SULF2: variants seen among roughly 807,000 people sequenced by gnomAD.
SULF2 encodes extracellular sulfatase Sulf-2.
Under a neutral mutation model 107.7 loss-of-function variants are expected in SULF2, and 52 were observed. That is an observed-to-expected ratio of 0.48 (90% CI 0.39 to 0.61). The LOEUF is 0.61. Among genes scored for constraint, SULF2 ranks in the 20% least tolerant of loss-of-function variants. The pLI, the probability that SULF2 is intolerant of heterozygous loss-of-function variation, is 0.00. For missense variants in SULF2, 993 were observed against 1,177.3 expected, an observed-to-expected ratio of 0.84 and a Z score of 2.29; for synonymous variants, 460 against 464.3, an observed-to-expected ratio of 0.99 and a Z score of 0.12.
rs541149167 is a variant in SULF2 at position 47,694,628 on chromosome 20, C to T, written c.568-4333G>A. ...TGCAACCGGCCCCCTCTGGCAAGCA[C>T]CCTCTGAGCCTCAGGTGATTCCTGC... is the stretch of plus-strand genomic sequence containing the variant. On this transcript the variant is annotated intron_variant, in intron 4 of 20. Coordinates refer to ENST00000688720, the MANE Select transcript of SULF2 (RefSeq NM_001387048.1). The surrounding 1 kb of genome is among the most constrained non-coding windows in gnomAD (Gnocchi z 4.4). Among the ~76,000 whole-genome samples, 4 of 152,274 alleles carry T rather than the reference C, an allele frequency of 2.6e-5. No individual in the cohort carries two copies. Among genetic ancestry groups the T allele is most frequent in the African/African-American group, 4.8e-5 (2 of 41,538 alleles).
At chr20:47,682,579 G>C (rs892259385) in intron 7 of SULF2, among the ~76,000 whole-genome samples, 1 of 152,184 alleles carries the variant, frequency 6.6e-6, no homozygotes, top group Non-Finnish European at 1.5e-5. Context: ...TTGTGCTGCT[G>C]CCCAGAGTTG....
At chr20:47,693,110 G>A (rs994992770) in intron 4 of SULF2, among the ~76,000 whole-genome samples, 7 of 152,026 alleles carry the variant, frequency 4.6e-5, no homozygotes, top group African/African-American at 7.2e-5. Context: ...TTTATAAGGG[G>A]GCTCTACAGA....
Position 47,687,461 on chromosome 20 carries a change from G to A in SULF2, c.737+2665C>T, listed in dbSNP as rs541455390. ...CTTCCCTTCTGCTGGGGAAATGGCG[G>A]GAAGATGGTGGTGTCCTCACAGCCC... On this transcript the variant is annotated intron_variant, in intron 5 of 20. Transcript: ENST00000688720. Among the ~76,000 whole-genome samples, 7 of 152,314 alleles carry A rather than the reference G, an allele frequency of 4.6e-5. 1 individual carries two copies. The East Asian group carries it at 9.7e-4, about 21-fold the overall frequency.
chr20:47,695,267 A>G (rs2088336951), intron 4 of SULF2, among the ~76,000 whole-genome samples: 1 of 151,994 alleles, frequency 6.6e-6, no homozygotes, highest in Non-Finnish European at 1.5e-5. Flanking sequence ...CATGAAAATT[A>G]CTCTTAAAAG....
intron 10 of SULF2, 80 bp from the exon 11 acceptor site, chr20:47,672,473 C>T (rs2087511190): frequency 1.4e-6 from 2 of 1,470,180 alleles, no homozygotes; most frequent in South Asian, 2.7e-5. Flanking sequence ...CCCATCCACC[C>T]TGGAGACATC....
At chr20:47,749,955 T>G (rs2090125627) in intron 2 of SULF2, among the ~76,000 whole-genome samples, 1 of 152,214 alleles carries the variant, frequency 6.6e-6, no homozygotes, top group Admixed American at 6.5e-5. Flanking sequence ...ACCTGCAACT[T>G]CCCAGGTCCA....
At chr20:47,661,926 A>T in intron 17 of SULF2, 30 bp from the exon 18 acceptor site, 1 of 1,522,740 alleles carries the variant, frequency 6.6e-7, no homozygotes, top group Non-Finnish European at 8.9e-7. Flanking sequence ...TCTGTCAACA[A>T]GGTAAGTACA....
intron 10 of SULF2, among the ~76,000 whole-genome samples, chr20:47,673,579 C>CGATA (rs2087546987): frequency 6.6e-6 from 1 of 152,160 alleles, no homozygotes; most frequent in Non-Finnish European, 1.5e-5. Context: ...GCCCCTGTCC[C>CGATA]GCCCATCTGT....
Position 47,736,751 on chromosome 20 carries a change from C to G in SULF2, c.367G>C (p.Glu123Gln). 2 of 1,614,226 alleles carry G rather than the reference C, an allele frequency of 1.2e-6. No individual in the cohort carries two copies. The highest frequency in any genetic ancestry group is 1.7e-6 in the Non-Finnish European group (2 of 1,180,032). ...CSSPSWQAQH[E>Q]SRTFAVYLNS... ...AGGTACACGGCAAAGGTGCGGCTCT[C>G]GTGCTGTGCCTGCCAGGAGGGCGAG... Residue 123 changes from glutamate to glutamine, a missense_variant, in exon 3 of 21, where the codon GAG (glutamate) becomes CAG (glutamine). Glu to Gln is a conservative substitution (Grantham distance 29). Coordinates refer to ENST00000688720, the MANE Select transcript of SULF2 (RefSeq NM_001387048.1).
At chr20:47,709,902 CTT>C (rs36064156) in intron 3 of SULF2, among the ~76,000 whole-genome samples, 407 of 137,880 alleles carry the variant, frequency 3.0e-3, no homozygotes, top group Admixed American at 7.2e-3. Context: ...CCTGAAACCA[CTT>C]TTTTTTTTTT....
chr20:47,777,057 A>G (rs1281615042), intron 1 of SULF2, among the ~76,000 whole-genome samples: 2 of 152,240 alleles, frequency 1.3e-5, no homozygotes, highest in African/African-American at 2.4e-5. Context: ...AAGACAGACA[A>G]TGTCCCTACA....
At chr20:47,785,763 G>C (rs1227419570), upstream of SULF2, 3 of 148,286 alleles carry the variant, frequency 2.0e-5, no homozygotes, top group African/African-American at 7.3e-5. Context: ...AGCCGCGGAC[G>C]GCTGGGGCCC....
rs1251125604 is a variant in SULF2 at position 47,758,182 on chromosome 20, T to TTTC, written c.-100-720_-100-719insGAA. Among the ~76,000 whole-genome samples, 32 of 147,754 alleles carry TTTC rather than the reference T, an allele frequency of 2.2e-4. 1 individual carries two copies. Among genetic ancestry groups the TTTC allele is most frequent in the Admixed American group, 1.4e-4 (2 of 14,718 alleles). ...TATTCCTTTTTTTTTTTTTTTTTTT[T>TTTC]TCCCAGACAGAGTTTTGCTCTTGTT... is the stretch of plus-strand genomic sequence containing the variant. On this transcript the variant is annotated intron_variant, in intron 1 of 20. Transcript: ENST00000688720.
intron 1 of SULF2, among the ~76,000 whole-genome samples, chr20:47,759,114 G>A (rs1401484303): frequency 2.0e-5 from 3 of 152,172 alleles, no homozygotes; most frequent in Non-Finnish European, 2.9e-5. Context: ...ACAGTGCCTC[G>A]TGCAGGTACA....
intron 5 of SULF2, among the ~76,000 whole-genome samples, chr20:47,687,270 G>A (rs769397741): frequency 6.6e-6 from 1 of 152,096 alleles, no homozygotes; most frequent in Non-Finnish European, 1.5e-5. Context: ...TGGGGTCGAC[G>A]CCAGCTTGCT....
chr20:47,732,120 C>G (rs2089627970), intron 3 of SULF2, among the ~76,000 whole-genome samples: 2 of 152,212 alleles, frequency 1.3e-5, no homozygotes, highest in Non-Finnish European at 2.9e-5. Flanking sequence ...GGTCTCGAAC[C>G]CCTGGCCTCA....
intron 1 of SULF2, among the ~76,000 whole-genome samples, chr20:47,758,162 C>CTTTT (rs373618271): frequency 1.6e-5 from 2 of 122,468 alleles, no homozygotes; most frequent in Non-Finnish European, 3.3e-5. Flanking sequence ...AAAAGTATTC[C>CTTTT]TTTTTTTTTT....
intron 13 of SULF2, 119 bp from the exon 14 acceptor site, chr20:47,665,412 C>T (rs187509847): frequency 2.8e-5 from 21 of 747,342 alleles, no homozygotes; most frequent in Admixed American, 1.4e-4. Flanking sequence ...CTGCACTCCC[C>T]GGGCCCCAGG....
chr20:47,784,766 G>A (rs1432440028), intron 1 of SULF2, among the ~76,000 whole-genome samples: 1 of 152,208 alleles, frequency 6.6e-6, no homozygotes, highest in East Asian at 1.9e-4. Context: ...AAACCCCGAG[G>A]AGCCGGGGAG....
Sources: gnomAD v4.1 joint callset for allele counts (sites outside exome capture counted in the v4.1 genomes callset) on GRCh38, gnomAD v4.1.1 for gene constraint, Gnocchi (gnomAD v3.1) non-coding constraint, MANE v1.5 for transcripts, NCBI Gene and HGNC (gene_info 2026-07-23, HGNC 2026-07-21) for gene names.